Variants in PLD3 observed in about 807,000 individuals in gnomAD.
The protein encoded by PLD3 is 5'-3' exonuclease PLD3.
Under a neutral mutation model 58.4 loss-of-function variants are expected in PLD3, and 31 were observed. That is an observed-to-expected ratio of 0.53 (90% CI 0.40 to 0.72). The LOEUF (loss-of-function observed/expected upper bound fraction) is 0.72, where lower values mean the gene tolerates loss of function less well. PLD3 is among the 30% of genes least tolerant of loss of function. The probability of loss-of-function intolerance (pLI) is 0.00; values close to 1 mark genes in which losing one functional copy is unlikely to be tolerated. For missense variants in PLD3, 595 were observed against 659.8 expected (o/e 0.90, Z 1.08); for synonymous variants, 264 against 273.4 (o/e 0.97, Z 0.34).
intron 8 of PLD3, 171 bp downstream of exon 8, chr19:40,370,408 C>G: frequency 1.5e-6 from 1 of 679,496 alleles, no homozygotes; most frequent in Non-Finnish European, 2.4e-6. Flanking sequence ...CACGGTGGCT[C>G]ACACCTATAA....
rs189766925 is a variant in PLD3, at chr19:40,369,606, C to A, written c.430-302C>A. On this transcript the variant is annotated intron_variant, in intron 6 of 12. Transcript: ENST00000409735. ...CTGCCTGAGCCTCGCCCCCACCATACTGGGAGATGCCTGGAGGCCCTGCCT... is the reference window on the plus strand; with the variant it reads ...CTGCCTGAGCCTCGCCCCCACCATAATGGGAGATGCCTGGAGGCCCTGCCT... Among the ~76,000 whole-genome samples, 165 of 152,262 alleles carry A rather than the reference C, an allele frequency of 1.1e-3. 1 individual carries two copies. Among genetic ancestry groups the A allele is most frequent in the African/African-American group, 3.9e-3 (160 of 41,546 alleles).
intron 5 of PLD3, 78 bp downstream of exon 5, chr19:40,366,993 T>G (rs767886268): frequency 1.4e-4 from 203 of 1,468,456 alleles, no homozygotes; most frequent in Non-Finnish European, 1.8e-4. Context: ...AAACAGGGCC[T>G]GCACTCAGCC....
intron 1 of PLD3, among the ~76,000 whole-genome samples, chr19:40,351,832 G>A (rs1201827347): frequency 6.6e-6 from 1 of 152,206 alleles, no homozygotes; most frequent in Non-Finnish European, 1.5e-5. Flanking sequence ...AGTGTGACAT[G>A]AAGCCATCAC....
chr19:40,364,137 C>G (rs1195724296), intron 1 of PLD3, among the ~76,000 whole-genome samples: 1 of 151,776 alleles, frequency 6.6e-6, no homozygotes, highest in East Asian at 1.9e-4. Flanking sequence ...AGGCGGATCA[C>G]GAGGTCAGGA....
At chr19:40,354,794 G>A (rs1279788495) in intron 1 of PLD3, among the ~76,000 whole-genome samples, 1 of 151,398 alleles carries the variant, frequency 6.6e-6, no homozygotes, top group Non-Finnish European at 1.5e-5. Context: ...CCAAAGTGCT[G>A]GGATTACAGG....
chr19:40,371,806 C>T lies in PLD3; in HGVS notation c.812C>T (p.Thr271Ile). 6.2e-7 allele frequency: 1 copy of T among 1,614,112 alleles called. No individual in the cohort carries two copies. The highest frequency in any genetic ancestry group is 2.2e-5 in the East Asian group (1 of 44,872). Residue 271 changes from threonine to isoleucine, a missense_variant, in exon 9 of 13, where the codon ACC (threonine) becomes ATC (isoleucine). Thr to Ile is a moderately conservative substitution (Grantham distance 89). Transcript: ENST00000409735. ...TCAACTTGGCCCCGGTTCTATGACA[C>T]CCGCTACAACCAAGAGACACCAATG... ...IPSTWPRFYD[T>I]RYNQETPMEI...
At chr19:40,377,957 G>A (rs780978706) in intron 12 of PLD3, 29 bp from the exon 13 acceptor site, 2 of 1,612,624 alleles carry the variant, frequency 1.2e-6, no homozygotes, top group East Asian at 2.2e-5. Flanking sequence ...CCCCGAGGGT[G>A]CCCTTATGCT....
chr19:40,355,595 A>C (rs1219833902), intron 1 of PLD3, among the ~76,000 whole-genome samples: 11 of 134,918 alleles, frequency 8.2e-5, no homozygotes, highest in Non-Finnish European at 1.4e-4. Context: ...TACAGGTGTG[A>C]GCCACCGTGC....
In PLD3 at chr19:40,378,459, A is replaced by G; in HGVS notation, c.*286A>G. On this transcript the variant is annotated 3_prime_UTR_variant, in exon 13 of 13. Coordinates refer to ENST00000409735, the MANE Select transcript of PLD3 (RefSeq NM_012268.4). ...TCCAGGGCAAAAAGGGCCCAGGGTT[A>G]TAATAAGTAAATAACTTGTCTGTAC... The G allele has an allele frequency of 3.7e-6, 2 of 535,914 alleles. No homozygotes were observed. 33.2% of individuals were successfully genotyped at this position (535,914 alleles called of 1,614,324 possible). A position where few individuals can be genotyped will look rare whatever the true frequency, so the allele number is the denominator to read the frequency against.
chr19:40,375,649 CAAAA>C (rs59711528), intron 10 of PLD3, among the ~76,000 whole-genome samples: 2 of 96,222 alleles, frequency 2.1e-5, no homozygotes, highest in East Asian at 3.1e-4. Context: ...GACACCTTCT[CAAAA>C]AAAAAAAAAA....
At position 40,366,470 on chromosome 19, in the gene PLD3, A is replaced by G. The variant is rs1462600962; in HGVS notation, c.-14A>G. On this transcript the variant is annotated 5_prime_UTR_variant, in exon 3 of 13. Transcript: ENST00000409735. Reference sequence around the variant, plus strand: ...CTCACCTGGGCTCTGCGTATCCCCCAGCCTTGAGGGAAGATGAAGCCTAAA... The same window carrying G: ...CTCACCTGGGCTCTGCGTATCCCCCGGCCTTGAGGGAAGATGAAGCCTAAA... 14 of 1,613,734 alleles carry G rather than the reference A, an allele frequency of 8.7e-6. No homozygotes were observed. The highest frequency in any genetic ancestry group is 1.1e-5 in the Non-Finnish European group (13 of 1,179,746).
chr19:40,350,227 T>C (rs1222084786), intron 1 of PLD3, among the ~76,000 whole-genome samples: 1 of 136,560 alleles, frequency 7.3e-6, no homozygotes, highest in African/African-American at 2.7e-5. Context: ...GCCATTGCAC[T>C]GTAGCCTGGG....
Position 40,378,228 on chromosome 19 carries a change from T to C in PLD3, c.*55T>C. The C allele has an allele frequency of 9.9e-6, 15 of 1,513,162 alleles. No individual in the cohort carries two copies. Among genetic ancestry groups the C allele is most frequent in the African/African-American group, 1.4e-5 (1 of 73,250 alleles). 93.7% of individuals were successfully genotyped at this position (1,513,162 alleles called of 1,614,324 possible). ...GCTGGGCCCCCGCGGACCCAGGTGC[T>C]CTGGGTCACGGTCCCTGTCCCCGCG... On this transcript the variant is annotated 3_prime_UTR_variant, in exon 13 of 13. Coordinates refer to ENST00000409735, the MANE Select transcript of PLD3 (RefSeq NM_012268.4).
intron 1 of PLD3, among the ~76,000 whole-genome samples, chr19:40,364,940 G>A (rs911740758): frequency 1.3e-5 from 2 of 152,094 alleles, no homozygotes; most frequent in African/African-American, 4.8e-5. Flanking sequence ...CTCCAGCCTA[G>A]GGAACAGAAC....
intron 1 of PLD3, among the ~76,000 whole-genome samples, chr19:40,364,198 A>G (rs958796598): frequency 2.0e-5 from 3 of 151,706 alleles, no homozygotes. Flanking sequence ...TACTAAAAAT[A>G]CAAAAATTAG....
rs778413823 is a variant in PLD3 at position 40,377,872 on chromosome 19, C to T, written c.1272C>T (p.Arg424=). The change falls in exon 12 of 13, where the codon CGC becomes CGT. Residue 424 remains arginine (R), a synonymous_variant. Transcript: ENST00000409735. ...VNHNKYMVTE[R]ATYIGTSNWS... ...ACAACAAGTACATGGTGACTGAACGCGCCACCTACATCGGTGAGTGTCTTG... is the reference window on the plus strand; with the variant it reads ...ACAACAAGTACATGGTGACTGAACGTGCCACCTACATCGGTGAGTGTCTTG... 5.6e-6 allele frequency: 9 copies of T among 1,613,714 alleles called. No homozygotes were observed. Among genetic ancestry groups the T allele is most frequent in the South Asian group, 3.3e-5 (3 of 91,082 alleles).
intron 1 of PLD3, among the ~76,000 whole-genome samples, chr19:40,362,358 C>T (rs1207502962): frequency 2.0e-5 from 3 of 152,224 alleles, no homozygotes; most frequent in Admixed American, 6.5e-5. Flanking sequence ...GATTCAAACA[C>T]AGGTATCTGG....
intron 1 of PLD3, among the ~76,000 whole-genome samples, chr19:40,355,059 G>A (rs1421573001): frequency 4.0e-5 from 6 of 151,574 alleles, no homozygotes; most frequent in South Asian, 2.1e-4. Context: ...GGCTGGTCTC[G>A]AACTCCTTAC....
chr19:40,370,257 ACCTT>A lies in PLD3; in HGVS notation c.678+27_678+30del, dbSNP rs1568673227. 1.2e-6 allele frequency: 2 copies of A among 1,603,950 alleles called. No homozygotes were observed. Among genetic ancestry groups the A allele is most frequent in the South Asian group, 2.2e-5 (2 of 89,632 alleles). ...ACCCAGGTCTGTCTGCACCCTGTCT[ACCTT>A]CCTTCCAGGCCACTCCCTGCCCCAC... is the stretch of plus-strand genomic sequence containing the variant. On this transcript the variant is annotated intron_variant, in intron 8 of 12. Coordinates refer to ENST00000409735, the MANE Select transcript of PLD3 (RefSeq NM_012268.4).
Sources: gnomAD v4.1 joint callset for allele counts (sites outside exome capture counted in the v4.1 genomes callset) on GRCh38, gnomAD v4.1.1 for gene constraint, MANE v1.5 for transcripts, NCBI Gene and HGNC (gene_info 2026-07-23, HGNC 2026-07-21) for gene names.